Variants in SETBP1 observed in about 807,000 individuals in gnomAD.
SETBP1 encodes the protein SET-binding protein.
Under a neutral mutation model 101.0 loss-of-function variants are expected in SETBP1, and 9 were observed. The observed-to-expected ratio is 0.09, with a 90% CI of 0.05 to 0.16. The LOEUF (loss-of-function observed/expected upper bound fraction) is 0.16. Among genes scored for constraint, SETBP1 ranks in the 10% least tolerant of loss-of-function variants. The pLI is 1.00. For synonymous variants in SETBP1, 818 were observed against 788.5 expected (o/e 1.04, Z -0.63); for missense variants, 1,858 against 2,033.8 (o/e 0.91, Z 1.66).
chr18:45,013,681 G>C (rs1161422126), intron 4 of SETBP1, among the ~76,000 whole-genome samples: 1 of 152,026 alleles, frequency 6.6e-6, no homozygotes, highest in African/African-American at 2.4e-5. Context: ...CTCATGATCC[G>C]CCTGCCTTGG....
At chr18:44,731,848 A>C (rs1475379252) in intron 2 of SETBP1, among the ~76,000 whole-genome samples, 1 of 152,210 alleles carries the variant, frequency 6.6e-6, no homozygotes, top group Non-Finnish European at 1.5e-5. Flanking sequence ...AGTATGAAAT[A>C]CAATATTCTC....
intron 4 of SETBP1, among the ~76,000 whole-genome samples, chr18:44,971,801 A>G (rs1435589341): frequency 6.6e-6 from 1 of 152,166 alleles, no homozygotes; most frequent in Non-Finnish European, 1.5e-5. Flanking sequence ...AGTAGATTGC[A>G]AAAATTTTCT....
At chr18:44,832,651 C>G (rs1041222144) in intron 2 of SETBP1, among the ~76,000 whole-genome samples, 2 of 152,226 alleles carry the variant, frequency 1.3e-5, no homozygotes, top group African/African-American at 4.8e-5. Flanking sequence ...CCCTCCCCAG[C>G]CTTCCTCATC....
At chr18:44,970,498 C>T (rs767610075) in intron 4 of SETBP1, among the ~76,000 whole-genome samples, 10 of 151,962 alleles carry the variant, frequency 6.6e-5, no homozygotes, top group African/African-American at 1.9e-4. Context: ...TTGTTTACAA[C>T]GATTCTAGTT....
intron 5 of SETBP1, among the ~76,000 whole-genome samples, chr18:45,041,905 C>T (rs574725563): frequency 2.0e-5 from 3 of 151,286 alleles, no homozygotes; most frequent in African/African-American, 4.9e-5. Context: ...TGCAGTGAGC[C>T]GAGATTGCAC....
chr18:44,811,847 C>A (rs16978182), intron 2 of SETBP1, among the ~76,000 whole-genome samples: 5,187 of 152,286 alleles, frequency 0.034, 289 homozygotes, highest in African/African-American at 0.12. Context: ...GATCAGAATT[C>A]TTGAGGTGGT....
intron 2 of SETBP1, among the ~76,000 whole-genome samples, chr18:44,808,398 T>G (rs2071792632): frequency 6.6e-6 from 1 of 152,174 alleles, no homozygotes; most frequent in Non-Finnish European, 1.5e-5. Flanking sequence ...CATTTACCAT[T>G]TACCAATTAA....
At chr18:44,853,752 T>G (rs1360691387) in intron 2 of SETBP1, among the ~76,000 whole-genome samples, 2 of 152,364 alleles carry the variant, frequency 1.3e-5, no homozygotes, top group African/African-American at 4.8e-5. Flanking sequence ...TCCAGGAGTC[T>G]TAACCTCAGT....
chr18:45,065,724 G>A lies in SETBP1; in HGVS notation c.*2026G>A, dbSNP rs1054323729. 49 of 152,136 alleles carry A rather than the reference G, an allele frequency of 3.2e-4. No individual in the cohort carries two copies. Among genetic ancestry groups the A allele is most frequent in the African/African-American group, 1.2e-3 (48 of 41,414 alleles). 9.4% of individuals were successfully genotyped at this position (152,136 alleles called of 1,614,324 possible). On this transcript the variant is annotated 3_prime_UTR_variant, in exon 6 of 6. Coordinates refer to ENST00000649279, the MANE Select transcript of SETBP1 (RefSeq NM_015559.3). ...AATCCTAGCAATATGTAAGTTTAAA[G>A]GACTGCATTCCCCTCTACTTTAAAG...
At chr18:44,686,182 C>T (rs1423023104) in intron 1 of SETBP1, among the ~76,000 whole-genome samples, 1 of 152,246 alleles carries the variant, frequency 6.6e-6, no homozygotes, top group Non-Finnish European at 1.5e-5. Context: ...TTCTTCACAG[C>T]TCATTTGTTC....
chr18:44,949,836 TTCTCTCTCTCTG>T, intron 3 of SETBP1, 33 bp from the exon 4 acceptor site: 2 of 1,451,960 alleles, frequency 1.4e-6, no homozygotes, highest in Non-Finnish European at 1.9e-6. Context: ...TCATCTTTGT[TTCTCTCTCTCTG>T]TCTCTCTCCC....
chr18:44,874,196 A>G (rs1332523722), intron 3 of SETBP1, among the ~76,000 whole-genome samples: 1 of 152,258 alleles, frequency 6.6e-6, no homozygotes, highest in African/African-American at 2.4e-5. Context: ...CTTTTATAGA[A>G]CAATCACAAT....
intron 2 of SETBP1, among the ~76,000 whole-genome samples, chr18:44,817,047 C>T (rs148273853): frequency 1.1e-3 from 163 of 152,302 alleles, no homozygotes; most frequent in African/African-American, 3.9e-3. Flanking sequence ...TGGTACGGTG[C>T]ATACCCTCAA....
At chr18:44,831,526 A>T (rs898790387) in intron 2 of SETBP1, among the ~76,000 whole-genome samples, 10 of 152,232 alleles carry the variant, frequency 6.6e-5, no homozygotes, top group Non-Finnish European at 1.3e-4. Flanking sequence ...CATAAGACTA[A>T]CAATGAAAAT....
intron 4 of SETBP1, among the ~76,000 whole-genome samples, chr18:44,978,709 T>C (rs1289155194): frequency 6.6e-6 from 1 of 152,194 alleles, no homozygotes; most frequent in African/African-American, 2.4e-5. Flanking sequence ...GAGTCTTTTA[T>C]AGATGGACAT....
chr18:44,990,863 A>G (rs948281993), intron 4 of SETBP1, among the ~76,000 whole-genome samples: 1 of 151,016 alleles, frequency 6.6e-6, no homozygotes, highest in Non-Finnish European at 1.5e-5. Context: ...GGGTTCTATA[A>G]TATCTAAGTT....
chr18:44,806,903 G>A lies in SETBP1; in HGVS notation c.487-62327G>A, dbSNP rs544401881. 4.0e-5 allele frequency among the ~76,000 whole-genome samples: 6 copies of A among 151,898 alleles called. No homozygotes were observed. The East Asian group carries it at 1.2e-3, about 29-fold the overall frequency. On this transcript the variant is annotated intron_variant, in intron 2 of 5. Coordinates refer to ENST00000649279, the MANE Select transcript of SETBP1 (RefSeq NM_015559.3). Reference sequence around the variant, plus strand: ...CAGTTTCCCTCCTGCGTGCCACCTAGCCATTGCTTTCTCATCTTTTAATGT... The same window carrying A: ...CAGTTTCCCTCCTGCGTGCCACCTAACCATTGCTTTCTCATCTTTTAATGT...
intron 2 of SETBP1, among the ~76,000 whole-genome samples, chr18:44,864,503 C>T (rs1350869665): frequency 6.6e-6 from 1 of 152,076 alleles, no homozygotes; most frequent in Non-Finnish European, 1.5e-5. Flanking sequence ...ACTGCAGCTC[C>T]TCAACAAATG....
At chr18:44,875,846 C>T (rs139749846) in intron 3 of SETBP1, among the ~76,000 whole-genome samples, 2 of 152,314 alleles carry the variant, frequency 1.3e-5, no homozygotes, top group East Asian at 3.9e-4. Context: ...GGGATTTGAA[C>T]TCAGGTAGTC....
Sources: allele counts gnomAD v4.1 joint callset (sites outside exome capture counted in the v4.1 genomes callset), GRCh38; gene constraint gnomAD v4.1.1; transcripts MANE v1.5; gene names NCBI Gene and HGNC (gene_info 2026-07-23, HGNC 2026-07-21).